PCDHGB2: variants seen among roughly 807,000 people sequenced by gnomAD.
PCDHGB2 encodes protocadherin gamma-B2.
PCDHGB2 carries 55 observed loss-of-function variants against 59.3 expected under a neutral mutation model. The ratio of observed to expected loss-of-function variants is 0.93; its 90% CI spans 0.75 to 1.16. PCDHGB2 has a LOEUF of 1.16. PCDHGB2 is among the 50% of genes most tolerant of loss of function. The probability of loss-of-function intolerance (pLI) is 0.00; values close to 1 mark genes in which losing one functional copy is unlikely to be tolerated. For missense variants in PCDHGB2, 1,228 were observed against 1,198.5 expected (o/e 1.02, Z -0.36); for synonymous variants, 516 against 512.0 (o/e 1.01, Z -0.11).
chr5:141,397,609 G>A (rs2093544805), intron 1 of PCDHGB2, among the ~76,000 whole-genome samples: 1 of 152,186 alleles, frequency 6.6e-6, no homozygotes. Flanking sequence ...AGTGACAAGG[G>A]CAATACTTAG....
At chr5:141,375,681 C>T in intron 1 of PCDHGB2, 4 of 1,614,270 alleles carry the variant, frequency 2.5e-6, no homozygotes, top group Non-Finnish European at 3.4e-6. Flanking sequence ...CTGTGGGTGA[C>T]AGCCAGCGAC....
chr5:141,402,816 C>T, intron 1 of PCDHGB2: 1 of 1,261,762 alleles, frequency 7.9e-7, no homozygotes, highest in South Asian at 1.7e-5. Flanking sequence ...ATACCACAAA[C>T]CTGCTCCCAG....
intron 3 of PCDHGB2, 59 bp from the exon 4 acceptor site, chr5:141,510,888 A>C (rs2099883233): frequency 6.2e-7 from 1 of 1,612,646 alleles, no homozygotes. Flanking sequence ...GGGATATAAG[A>C]CAGTGACTGT....
chr5:141,476,951 A>C lies in PCDHGB2; in HGVS notation c.2422-17856A>C. On this transcript the variant is annotated intron_variant, in intron 1 of 3. Coordinates refer to ENST00000522605, the MANE Select transcript of PCDHGB2 (RefSeq NM_018923.3). The surrounding 1 kb of genome is among the most constrained non-coding windows in gnomAD (Gnocchi z 7.6). ...TCTGGATGAAGGCCCCAACGGTGAA[A>C]TTATTTACTCCTTCGGCAGCCACAA... 6.2e-7 allele frequency: 1 copy of C among 1,614,184 alleles called. No individual in the cohort carries two copies. Among genetic ancestry groups the C allele is most frequent in the South Asian group, 1.1e-5 (1 of 91,088 alleles).
intron 1 of PCDHGB2, among the ~76,000 whole-genome samples, chr5:141,435,445 C>T (rs190910353): frequency 3.9e-5 from 6 of 152,224 alleles, no homozygotes; most frequent in Middle Eastern, 3.4e-3. Flanking sequence ...TTCATTAATA[C>T]GATATCTGTA....
Position 141,485,943 on chromosome 5 carries a change from C to CG in PCDHGB2, c.2422-8861dup, listed in dbSNP as rs1562109052. ...ATTAGTGTGTTGGAGAGCGCACCAG[C>CG]GGGCATGGTGCTCATCCAGCTCAAT... On this transcript the variant is annotated intron_variant, in intron 1 of 3. Coordinates refer to ENST00000522605, the MANE Select transcript of PCDHGB2 (RefSeq NM_018923.3). The surrounding 1 kb of genome is among the most constrained non-coding windows in gnomAD (Gnocchi z 5.7). The CG allele has an allele frequency of 1.2e-6, 2 of 1,614,126 alleles. No individual in the cohort carries two copies. Among genetic ancestry groups the CG allele is most frequent in the Non-Finnish European group, 1.7e-6 (2 of 1,180,012 alleles).
At chr5:141,385,027 G>T (rs1487991378) in intron 1 of PCDHGB2, 3 of 1,614,036 alleles carry the variant, frequency 1.9e-6, no homozygotes, top group East Asian at 2.2e-5. Context: ...CTTCGTCCTC[G>T]TACTGCTGGC....
intron 1 of PCDHGB2, chr5:141,413,621 A>G (rs369411784): frequency 1.0e-4 from 161 of 1,613,784 alleles, no homozygotes; most frequent in Admixed American, 1.5e-4. Flanking sequence ...ATTAATGAAA[A>G]TGTCGCTGCG....
chr5:141,512,395 C>T lies in PCDHGB2; in HGVS notation c.*1222C>T, dbSNP rs1229077213. ...ACCAAATGAACAGAAAGTCTCAGCCCAGGATGGGGCTTCTTCAACAGGGCC... is the reference window on the plus strand; with the variant it reads ...ACCAAATGAACAGAAAGTCTCAGCCTAGGATGGGGCTTCTTCAACAGGGCC... On this transcript the variant is annotated 3_prime_UTR_variant, in exon 4 of 4. Coordinates refer to ENST00000522605, the MANE Select transcript of PCDHGB2 (RefSeq NM_018923.3). 1 of 152,690 alleles carries T rather than the reference C, an allele frequency of 6.5e-6. No individual in the cohort carries two copies. Among genetic ancestry groups the T allele is most frequent in the Non-Finnish European group, 1.5e-5 (1 of 68,072 alleles). The allele number at this position is 152,690 out of a possible 1,614,324, so 9.5% of individuals were successfully genotyped here.
intron 1 of PCDHGB2, chr5:141,389,586 G>T: frequency 6.2e-7 from 1 of 1,613,166 alleles, no homozygotes; most frequent in Non-Finnish European, 8.5e-7. Context: ...GCTGGGTCCC[G>T]ACGGCTCTGC....
At chr5:141,393,806 C>CA in intron 1 of PCDHGB2, 12 of 1,613,866 alleles carry the variant, frequency 7.4e-6, no homozygotes, top group Non-Finnish European at 1.0e-5. Flanking sequence ...TGGGGAGGAC[C>CA]AAATTGCTCA....
chr5:141,484,869 G>C (rs2154580238), intron 1 of PCDHGB2: 1 of 292,558 alleles, frequency 3.4e-6, no homozygotes, highest in African/African-American at 2.2e-5. Flanking sequence ...GGGGGAGCGT[G>C]GAGGATAGGG....
rs2233605 is a variant in PCDHGB2 at position 141,490,412 on chromosome 5, C to A, written c.2422-4395C>A. ...GGTGAAGTGAGCCTTGATATCTCTC[C>A]GGACCTGCCATTTCAGATTAAGCCT... On this transcript the variant is annotated intron_variant, in intron 1 of 3. Transcript: ENST00000522605. This position sits in a 1 kb window ranked among gnomAD's most constrained non-coding sequence, Gnocchi z 5.4. 1.3e-4 allele frequency: 203 copies of A among 1,614,064 alleles called. 1 individual carries two copies. The highest frequency in any genetic ancestry group is 3.5e-4 in the South Asian group (32 of 91,086).
At position 141,491,919 on chromosome 5, in the gene PCDHGB2, C is replaced by A. The variant is rs1177043977; in HGVS notation, c.2422-2888C>A. 1.5e-6 allele frequency: 2 copies of A among 1,361,778 alleles called. No homozygotes were observed. Among genetic ancestry groups the A allele is most frequent in the South Asian group, 1.6e-5 (1 of 64,218 alleles). 84.4% of individuals were successfully genotyped at this position (1,361,778 alleles called of 1,614,324 possible). A position where few individuals can be genotyped will look rare whatever the true frequency, so the allele number is the denominator to read the frequency against. On this transcript the variant is annotated intron_variant, in intron 1 of 3. Coordinates refer to ENST00000522605, the MANE Select transcript of PCDHGB2 (RefSeq NM_018923.3). The surrounding 1 kb of genome is among the most constrained non-coding windows in gnomAD (Gnocchi z 6.9). ...CACCGGGGGTGGTGGCGACTGTGGGCGAGGGGAGGTGGGACCGACCCCCAC... is the reference window on the plus strand; with the variant it reads ...CACCGGGGGTGGTGGCGACTGTGGGAGAGGGGAGGTGGGACCGACCCCCAC...
intron 2 of PCDHGB2, among the ~76,000 whole-genome samples, chr5:141,501,290 T>TACACATACAC (rs1224133816): frequency 4.6e-4 from 62 of 136,246 alleles, no homozygotes; most frequent in Admixed American, 7.0e-4. Flanking sequence ...TATTCCCTTA[T>TACACATACAC]ACACACACAC....
intron 1 of PCDHGB2, chr5:141,376,019 G>A (rs765198459): frequency 7.3e-5 from 117 of 1,613,176 alleles, no homozygotes; most frequent in African/African-American, 9.3e-5. Context: ...AGTGGTGGCC[G>A]TCCAGGACCA....
At chr5:141,365,144 G>A (rs1763761233) in intron 1 of PCDHGB2, 1 of 1,613,746 alleles carries the variant, frequency 6.2e-7, no homozygotes, top group African/African-American at 1.3e-5. Context: ...TCCAGATGAG[G>A]GAATAAACGG....
At chr5:141,475,840 A>G (rs1039073157) in intron 1 of PCDHGB2, 2 of 434,770 alleles carry the variant, frequency 4.6e-6, no homozygotes, top group Non-Finnish European at 8.2e-6. Context: ...TGTCCTGCTC[A>G]GAGAGCCCGG....
chr5:141,428,065 C>T lies in PCDHGB2; in HGVS notation c.2421+65509C>T, dbSNP rs1028782772. 6 of 1,609,086 alleles carry T rather than the reference C, an allele frequency of 3.7e-6. No individual in the cohort carries two copies. The African/African-American group carries it at 6.7e-5, about 18-fold the overall frequency. ...GTGACCAAGGTGGTGGCGGTGGACGCAGATTCGGGACACAACGCTTGGCTG... is the reference window on the plus strand; with the variant it reads ...GTGACCAAGGTGGTGGCGGTGGACGTAGATTCGGGACACAACGCTTGGCTG... On this transcript the variant is annotated intron_variant, in intron 1 of 3. Coordinates refer to ENST00000522605, the MANE Select transcript of PCDHGB2 (RefSeq NM_018923.3).
Sources: gnomAD v4.1 joint callset for allele counts (sites outside exome capture counted in the v4.1 genomes callset) on GRCh38, gnomAD v4.1.1 for gene constraint, Gnocchi (gnomAD v3.1) non-coding constraint, MANE v1.5 for transcripts, NCBI Gene and HGNC (gene_info 2026-07-23, HGNC 2026-07-21) for gene names.